HORMAD2: variants seen among roughly 807,000 people sequenced by gnomAD.
The protein encoded by HORMAD2 is HORMA domain containing 2, also known as HORMA domain-containing protein 2.
A neutral mutation model predicts 38.8 loss-of-function variants in HORMAD2; 45 were observed. That is an observed-to-expected ratio of 1.16 (90% CI 0.91 to 1.49). The LOEUF (loss-of-function observed/expected upper bound fraction) is 1.49, where lower values mean the gene tolerates loss of function less well. Among genes scored for constraint, HORMAD2 ranks in the 40% most tolerant of loss-of-function variants. The pLI, the probability that HORMAD2 is intolerant of heterozygous loss-of-function variation, is 0.00. For missense variants in HORMAD2, 338 were observed against 367.0 expected, an observed-to-expected ratio of 0.92 and a Z score of 0.65; for synonymous variants, 126 against 122.8, an observed-to-expected ratio of 1.03 and a Z score of -0.17.
intron 10 of HORMAD2, among the ~76,000 whole-genome samples, chr22:30,126,843 C>A (rs1017945416): frequency 6.6e-6 from 1 of 152,184 alleles, no homozygotes; most frequent in Non-Finnish European, 1.5e-5. Flanking sequence ...TCCTCACTAA[C>A]CCTTGGCGTT....
intron 10 of HORMAD2, among the ~76,000 whole-genome samples, chr22:30,145,986 A>G (rs1053506764): frequency 6.6e-6 from 1 of 152,194 alleles, no homozygotes; most frequent in Admixed American, 6.5e-5. Flanking sequence ...CCTTAACAAA[A>G]TAGTAGAAAA....
At chr22:30,143,797 G>C (rs1924238650) in intron 10 of HORMAD2, among the ~76,000 whole-genome samples, 1 of 152,114 alleles carries the variant, frequency 6.6e-6, no homozygotes, top group African/African-American at 2.4e-5. Flanking sequence ...GAGGTGTTTG[G>C]GTCATGGGTG....
downstream of HORMAD2, among the ~76,000 whole-genome samples, chr22:30,181,494 G>A (rs535221142): frequency 2.6e-5 from 4 of 152,216 alleles, no homozygotes; most frequent in East Asian, 1.9e-4. Context: ...AGCATCAGAC[G>A]AAGCTTAATA....
intron 10 of HORMAD2, among the ~76,000 whole-genome samples, chr22:30,175,609 A>G (rs1170938810): frequency 1.3e-5 from 2 of 152,070 alleles, no homozygotes; most frequent in Non-Finnish European, 2.9e-5. Context: ...TCCTCAGTAG[A>G]AAGGTTATGG....
the HORMAD2 span, among the ~76,000 whole-genome samples, chr22:30,202,304 C>T: frequency 1.3e-5 from 2 of 152,006 alleles, no homozygotes; most frequent in African/African-American, 2.4e-5. Context: ...CAAATTGTTT[C>T]TTAGCTAAGG....
downstream of HORMAD2, among the ~76,000 whole-genome samples, chr22:30,180,281 G>A (rs1389902167): frequency 6.6e-6 from 1 of 152,124 alleles, no homozygotes; most frequent in Non-Finnish European, 1.5e-5. Flanking sequence ...CAGGCTGCTT[G>A]AGATAGCCAG....
intron 1 of HORMAD2, among the ~76,000 whole-genome samples, chr22:30,082,714 A>G (rs1345765412): frequency 6.6e-6 from 1 of 151,674 alleles, no homozygotes; most frequent in African/African-American, 2.4e-5. Flanking sequence ...GGATCACTTG[A>G]GCCCAGAAGT....
At chr22:30,106,167 C>T (rs1370737789) in intron 5 of HORMAD2, among the ~76,000 whole-genome samples, 6 of 152,090 alleles carry the variant, frequency 3.9e-5, no homozygotes, top group Admixed American at 6.5e-5. Flanking sequence ...TGCACCACCA[C>T]ACTCGGCTAA....
intron 10 of HORMAD2, among the ~76,000 whole-genome samples, chr22:30,175,273 TATATA>T (rs1280237785): frequency 1.4e-5 from 2 of 141,994 alleles, no homozygotes; most frequent in African/African-American, 2.6e-5. Context: ...TATAATAATA[TATATA>T]ATATAATATA....
At chr22:30,088,228 TATATACACACATATATAC>T (rs888954315) in intron 1 of HORMAD2, among the ~76,000 whole-genome samples, 3 of 150,092 alleles carry the variant, frequency 2.0e-5, no homozygotes, top group Non-Finnish European at 1.5e-5. Context: ...CATATATACA[TATATACACACATATATAC>T]ATATACACAC....
intron 10 of HORMAD2, among the ~76,000 whole-genome samples, chr22:30,129,246 AAAAAAAAAAAG>A (rs1201913171): frequency 2.1e-5 from 1 of 46,948 alleles, no homozygotes; most frequent in African/African-American, 1.3e-4. Flanking sequence ...AAAAAAAAAA[AAAAAAAAAAAG>A]AGAGAGAGAG....
intron 10 of HORMAD2, among the ~76,000 whole-genome samples, chr22:30,138,127 CATT>C (rs1448043698): frequency 1.3e-5 from 2 of 152,106 alleles, no homozygotes; most frequent in Non-Finnish European, 2.9e-5. Context: ...AGTGGTACCT[CATT>C]GTGGTTTTAA....
the HORMAD2 span, chr22:30,207,292 C>T: frequency 3.2e-6 from 1 of 313,668 alleles, no homozygotes; most frequent in Non-Finnish European, 6.6e-6. Flanking sequence ...GTTTCGCATC[C>T]CTCCCACACA....
At chr22:30,109,887 A>T (rs1340532944) in intron 5 of HORMAD2, among the ~76,000 whole-genome samples, 4 of 152,194 alleles carry the variant, frequency 2.6e-5, no homozygotes, top group African/African-American at 9.7e-5. Context: ...ACTAGAATAT[A>T]ACTTTTTAAG....
chr22:30,122,166 C>T lies in HORMAD2; in HGVS notation c.771C>T (p.Ile257=), dbSNP rs776521322. The T allele has an allele frequency of 2.5e-6, 4 of 1,613,134 alleles. No homozygotes were observed. Among genetic ancestry groups the T allele is most frequent in the Non-Finnish European group, 3.4e-6 (4 of 1,179,482 alleles). The change falls in exon 10 of 11, where the codon ATC becomes ATT. Residue 257 remains isoleucine (I), a synonymous_variant. Transcript: ENST00000336726. The stretch of plus-strand genomic sequence containing the variant: ...TTCGGGAGAACAGCACTACTGAGAT[C>T]GCCCATCAGGGTCTAGACTGTGATG... ...NLFRENSTTE[I]AHQGLDCDEE...
At chr22:30,088,374 A>C (rs2068623944) in intron 1 of HORMAD2, among the ~76,000 whole-genome samples, 1 of 151,490 alleles carries the variant, frequency 6.6e-6, no homozygotes, top group Non-Finnish European at 1.5e-5. Flanking sequence ...CCAAATGCTA[A>C]TATTAACCTG....
chr22:30,166,414 G>T (rs1323351088), intron 10 of HORMAD2, among the ~76,000 whole-genome samples: 1 of 152,128 alleles, frequency 6.6e-6, no homozygotes, highest in Non-Finnish European at 1.5e-5. Flanking sequence ...CAGAAATGTG[G>T]CTAATGCAAC....
rs916057747 is a variant in HORMAD2 at position 30,103,440 on chromosome 22, T to C, written c.197T>C (p.Leu66Pro). The change falls in exon 4 of 11, where the codon CTC becomes CCC. Residue 66 changes from leucine (L) to proline (P), a missense_variant. Coordinates refer to ENST00000336726, the MANE Select transcript of HORMAD2 (RefSeq NM_152510.4). ...GACTGTGTTTCTGTTTTTGTAGACC[T>C]CAGTTTAAAAATCCTCCGAGAAGAT... is the stretch of plus-strand genomic sequence containing the variant. ...SSYGERHLDD[L>P]SLKILREDKK... is the part of the protein sequence containing the mutation. The C allele has an allele frequency of 2.6e-6, 4 of 1,528,708 alleles. No homozygotes were observed. Among genetic ancestry groups the C allele is most frequent in the Middle Eastern group, 1.7e-4 (1 of 5,930 alleles). 94.7% of individuals were successfully genotyped at this position (1,528,708 alleles called of 1,614,324 possible). A position where few individuals can be genotyped will look rare whatever the true frequency, so the allele number is the denominator to read the frequency against.
At chr22:30,123,530 T>C (rs1029099726) in intron 10 of HORMAD2, among the ~76,000 whole-genome samples, 1 of 151,832 alleles carries the variant, frequency 6.6e-6, no homozygotes, top group Non-Finnish European at 1.5e-5. Flanking sequence ...GAGACAAGGG[T>C]CTCACTGTTA....
Sources: gnomAD v4.1 joint callset for allele counts (sites outside exome capture counted in the v4.1 genomes callset) on GRCh38, gnomAD v4.1.1 for gene constraint, MANE v1.5 for transcripts, NCBI Gene and HGNC (gene_info 2026-07-23, HGNC 2026-07-21) for gene names.